The following DPYD variants were observed in gnomAD, a reference collection of about 807,000 sequenced individuals.
DPYD encodes dihydropyrimidine dehydrogenase [NADP(+)].
In DPYD, 109 loss-of-function variants were observed where a neutral mutation model predicts 116.2. The ratio of observed to expected loss-of-function variants is 0.94; its 90% CI spans 0.80 to 1.10. The LOEUF (loss-of-function observed/expected upper bound fraction) is 1.10. Ranked by LOEUF, DPYD falls within the 50% of genes least tolerant of loss-of-function variation. The probability of loss-of-function intolerance (pLI) is 0.00; values close to 1 mark genes in which losing one functional copy is unlikely to be tolerated. For missense variants in DPYD, 1,302 were observed against 1,254.5 expected (o/e 1.04, Z -0.57); for synonymous variants, 440 against 432.0 (o/e 1.02, Z -0.23).
chr1:97,865,996 T>C (rs1214258893), intron 2 of DPYD, among the ~76,000 whole-genome samples: 1 of 151,990 alleles, frequency 6.6e-6, no homozygotes, highest in African/African-American at 2.4e-5. Context: ...GTAACTCAAA[T>C]TATCTTTGAA....
chr1:97,773,641 A>T (rs1376130499), intron 3 of DPYD, among the ~76,000 whole-genome samples: 1 of 152,180 alleles, frequency 6.6e-6, no homozygotes, highest in Non-Finnish European at 1.5e-5. Flanking sequence ...ACTGACAGAC[A>T]CTGTGTTTGC....
intron 3 of DPYD, among the ~76,000 whole-genome samples, chr1:97,771,135 T>C (rs1041026136): frequency 6.6e-6 from 1 of 151,792 alleles, no homozygotes; most frequent in African/African-American, 2.4e-5. Context: ...CTGGCCAACA[T>C]GGTGAAACCC....
intron 6 of DPYD, among the ~76,000 whole-genome samples, chr1:97,694,702 G>A (rs1178654842): frequency 1.3e-5 from 2 of 152,046 alleles, no homozygotes; most frequent in Non-Finnish European, 2.9e-5. Flanking sequence ...CCCAGATGCA[G>A]GCAGTAAAGT....
At chr1:97,511,696 C>T (rs1348467671) in intron 13 of DPYD, among the ~76,000 whole-genome samples, 1 of 151,784 alleles carries the variant, frequency 6.6e-6, no homozygotes, top group Non-Finnish European at 1.5e-5. Context: ...GGTTATATTG[C>T]CTTAAAGATG....
intron 13 of DPYD, among the ~76,000 whole-genome samples, chr1:97,452,703 G>A (rs1676484372): frequency 6.6e-6 from 1 of 152,008 alleles, no homozygotes; most frequent in Admixed American, 6.6e-5. Context: ...CTTGTAAGAT[G>A]TGGCCCTTTA....
chr1:97,438,885 C>G (rs1157198086), intron 14 of DPYD, among the ~76,000 whole-genome samples: 1 of 151,682 alleles, frequency 6.6e-6, no homozygotes, highest in Non-Finnish European at 1.5e-5. Flanking sequence ...TTTTTTTCTT[C>G]TAATTGGACA....
intron 16 of DPYD, among the ~76,000 whole-genome samples, chr1:97,364,939 T>G (rs1441791719): frequency 6.6e-6 from 1 of 152,194 alleles, no homozygotes; most frequent in Non-Finnish European, 1.5e-5. Flanking sequence ...TTAAACTGAC[T>G]GCACCATAAA....
chr1:97,363,106 G>GA (rs1267660279), intron 16 of DPYD, among the ~76,000 whole-genome samples: 5 of 151,994 alleles, frequency 3.3e-5, no homozygotes, highest in Non-Finnish European at 7.4e-5. Flanking sequence ...AAATTTACAA[G>GA]AAAAAAACAT....
At chr1:97,751,421 T>C (rs1300613342) in intron 3 of DPYD, among the ~76,000 whole-genome samples, 1 of 124,448 alleles carries the variant, frequency 8.0e-6, no homozygotes, top group Non-Finnish European at 1.6e-5. Flanking sequence ...TGTATATATA[T>C]ATGTATACGT....
chr1:97,910,120 TCA>T (rs1673859367), intron 1 of DPYD, among the ~76,000 whole-genome samples: 2 of 152,092 alleles, frequency 1.3e-5, no homozygotes, highest in African/African-American at 4.8e-5. Context: ...CCATTCTGCA[TCA>T]CATTTTCTTG....
chr1:97,224,770 CT>C (rs1661004073), intron 19 of DPYD, among the ~76,000 whole-genome samples: 1 of 150,992 alleles, frequency 6.6e-6, no homozygotes, highest in South Asian at 2.1e-4. Context: ...CAACATTTTC[CT>C]TTCTGTGTTT....
chr1:97,866,067 T>C (rs571431898), intron 2 of DPYD, among the ~76,000 whole-genome samples: 1 of 152,096 alleles, frequency 6.6e-6, no homozygotes, highest in African/African-American at 2.4e-5. Context: ...GAGATGGAAA[T>C]GCATGCAGTT....
chr1:97,431,937 C>G (rs1186717042), intron 14 of DPYD, among the ~76,000 whole-genome samples: 1 of 152,124 alleles, frequency 6.6e-6, no homozygotes, highest in Non-Finnish European at 1.5e-5. Flanking sequence ...TTTTATCTCT[C>G]ATATGTAAGT....
chr1:97,602,125 C>A (rs957444159), intron 8 of DPYD, among the ~76,000 whole-genome samples: 1 of 151,948 alleles, frequency 6.6e-6, no homozygotes, highest in African/African-American at 2.4e-5. Context: ...AGTCCAGAAC[C>A]AAGTGGATTA....
chr1:97,368,691 A>G (rs1202932270), intron 16 of DPYD, among the ~76,000 whole-genome samples: 1 of 152,208 alleles, frequency 6.6e-6, no homozygotes, highest in Non-Finnish European at 1.5e-5. Flanking sequence ...TCAGAGGTTC[A>G]GTAGAACTCC....
At chr1:97,373,296 C>T (rs770754335) in intron 16 of DPYD, among the ~76,000 whole-genome samples, 6 of 152,166 alleles carry the variant, frequency 3.9e-5, no homozygotes, top group African/African-American at 1.2e-4. Context: ...TCTGCTTCAG[C>T]GCTTTTAAAA....
At chr1:97,224,380 T>C (rs527751892) in intron 19 of DPYD, among the ~76,000 whole-genome samples, 2 of 152,160 alleles carry the variant, frequency 1.3e-5, no homozygotes, top group South Asian at 4.1e-4. Flanking sequence ...AAGCATTTTA[T>C]CCATTTTAAA....
At chr1:97,092,086 T>G (rs1557857861) in intron 21 of DPYD, among the ~76,000 whole-genome samples, 2 of 152,116 alleles carry the variant, frequency 1.3e-5, no homozygotes, top group Admixed American at 6.6e-5. Flanking sequence ...CCCTGGCCAG[T>G]CTCTCTAGTA....
chr1:97,876,146 C>T (rs773038057), intron 2 of DPYD, among the ~76,000 whole-genome samples: 5 of 152,012 alleles, frequency 3.3e-5, no homozygotes, highest in Middle Eastern at 3.4e-3. Context: ...CTCAATAATG[C>T]GTCATGACTG....
Sources: gnomAD v4.1 joint callset for allele counts (sites outside exome capture counted in the v4.1 genomes callset) on GRCh38, gnomAD v4.1.1 for gene constraint, MANE v1.5 for transcripts, NCBI Gene and HGNC (gene_info 2026-07-23, HGNC 2026-07-21) for gene names.